Variants in PIK3C2B observed in about 807,000 individuals in gnomAD.
PIK3C2B encodes phosphatidylinositol 4-phosphate 3-kinase C2 domain-containing subunit beta.
Under a neutral mutation model 184.3 loss-of-function variants are expected in PIK3C2B, and 83 were observed. That is an observed-to-expected ratio of 0.45 (90% CI 0.38 to 0.54). PIK3C2B has a LOEUF of 0.54. PIK3C2B is among the 20% of genes least tolerant of loss of function. PIK3C2B has a pLI of 0.00. For missense variants in PIK3C2B, 1,736 were observed against 2,113.5 expected, an observed-to-expected ratio of 0.82 and a Z score of 3.50; for synonymous variants, 779 against 837.6, an observed-to-expected ratio of 0.93 and a Z score of 1.21.
At chr1:204,454,884 T>C (rs1229408207) in intron 11 of PIK3C2B, 93 bp from the exon 12 acceptor site, 7 of 1,399,900 alleles carry the variant, frequency 5.0e-6, no homozygotes, top group Middle Eastern at 1.8e-4. Flanking sequence ...CCATTTCCCC[T>C]GGTAAAACTC....
chr1:204,426,009 T>C (rs1674721278), intron 31 of PIK3C2B, among the ~76,000 whole-genome samples: 1 of 152,242 alleles, frequency 6.6e-6, no homozygotes, highest in African/African-American at 2.4e-5. Flanking sequence ...TCCCATAATG[T>C]GCTCTGTTTT....
intron 1 of PIK3C2B, among the ~76,000 whole-genome samples, chr1:204,485,907 C>T (rs1657550021): frequency 6.6e-6 from 1 of 152,102 alleles, no homozygotes; most frequent in African/African-American, 2.4e-5. Flanking sequence ...AATATAAGAG[C>T]AGTGCCTGCA....
chr1:204,449,239 G>A lies in PIK3C2B; in HGVS notation c.2292C>T (p.Pro764=). 3.7e-6 allele frequency: 6 copies of A among 1,613,138 alleles called. No individual in the cohort carries two copies. The highest frequency in any genetic ancestry group is 5.1e-6 in the Non-Finnish European group (6 of 1,179,764). ...LGLWPATQEN[P]SARWSAPNFH... is the part of the protein sequence containing the mutation. ...AATTAGGTGCACTCCAACGGGCGCT[G>A]GGATTTTCCTGTGTTGCTGGCCACA... Residue 764 remains proline (P), a synonymous_variant, in exon 14 of 33, where the codon CCC becomes CCT. Transcript: ENST00000684373.
At chr1:204,474,165 A>G (rs976343069) in intron 1 of PIK3C2B, among the ~76,000 whole-genome samples, 1 of 151,966 alleles carries the variant, frequency 6.6e-6, no homozygotes, top group African/African-American at 2.4e-5. Context: ...CTAATTTTGT[A>G]TTTTTAGTAG....
At chr1:204,441,007 G>A (rs891673490) in intron 21 of PIK3C2B, among the ~76,000 whole-genome samples, 1 of 152,150 alleles carries the variant, frequency 6.6e-6, no homozygotes, top group Non-Finnish European at 1.5e-5. Context: ...CATGTATTTT[G>A]TCTCCCCCAT....
intron 12 of PIK3C2B, among the ~76,000 whole-genome samples, chr1:204,453,779 T>TG (rs1268052638): frequency 6.6e-6 from 1 of 150,786 alleles, no homozygotes; most frequent in Non-Finnish European, 1.5e-5. Context: ...AACATTTAAT[T>TG]TTTTTTTTTT....
rs746538333 is a variant in PIK3C2B, at chr1:204,449,266, A to G, written c.2265T>C (p.Gly755=). 1 of 1,612,590 alleles carries G rather than the reference A, an allele frequency of 6.2e-7. No homozygotes were observed. The highest frequency in any genetic ancestry group is 8.5e-7 in the Non-Finnish European group (1 of 1,179,518). ...GATTTTCCTGTGTTGCTGGCCACAA[A>G]CCCAGAAGCTTCCGGCCACAGGTCA... is the stretch of plus-strand genomic sequence containing the variant. The part of the protein sequence containing the change: ...QVLTCGRKLL[G]LWPATQENPS... The change falls in exon 14 of 33, where the codon GGT becomes GGC. Residue 755 remains glycine (G), a synonymous_variant. Coordinates refer to ENST00000684373, the MANE Select transcript of PIK3C2B (RefSeq NM_001377334.1).
chr1:204,440,991 C>T (rs1187651858), intron 21 of PIK3C2B, among the ~76,000 whole-genome samples: 1 of 152,190 alleles, frequency 6.6e-6, no homozygotes, highest in East Asian at 1.9e-4. Flanking sequence ...GTTACTAAGT[C>T]ACATGCATGT....
At chr1:204,430,173 G>A (rs1328901374) in intron 28 of PIK3C2B, 135 bp from the exon 29 acceptor site, 1 of 640,018 alleles carries the variant, frequency 1.6e-6, no homozygotes, top group Non-Finnish European at 2.8e-6. Flanking sequence ...TCCATTTCTA[G>A]GGACCCTCAC....
rs1427658189 is a variant in PIK3C2B at position 204,469,613 on chromosome 1, C to T, written c.190G>A (p.Gly64Arg). The T allele has an allele frequency of 6.2e-7, 1 of 1,608,932 alleles. No individual in the cohort carries two copies. The highest frequency in any genetic ancestry group is 1.1e-5 in the South Asian group (1 of 90,242). Residue 64 changes from glycine (G) to arginine (R), a missense_variant, in exon 2 of 33, where the codon GGG (glycine) becomes AGG (arginine). Physicochemically the swap from Gly to Arg is moderately radical, Grantham distance 125. Transcript: ENST00000684373. ...DPSLISWDEP[G>R]VDFYSKPAGR... ...GCTGGCTTGCTGTAAAAGTCTACCC[C>T]AGGCTCATCCCAGCTGATGAGAGAG... is the stretch of plus-strand genomic sequence containing the variant.
intron 23 of PIK3C2B, chr1:204,435,644 C>T (rs1422168357): frequency 6.6e-6 from 1 of 152,252 alleles, no homozygotes; most frequent in Non-Finnish European, 1.5e-5. Context: ...GCACTGTCAC[C>T]TCCATTCATA....
At chr1:204,449,563 A>G (rs995013828) in intron 13 of PIK3C2B, among the ~76,000 whole-genome samples, 6 of 152,182 alleles carry the variant, frequency 3.9e-5, no homozygotes, top group African/African-American at 1.4e-4. Flanking sequence ...GGGCTAGATG[A>G]CCTCTAAGGT....
rs1424529226 is a variant in PIK3C2B, at chr1:204,433,907, G to T, written c.3729C>A (p.Val1243=). 1 of 1,614,052 alleles carries T rather than the reference G, an allele frequency of 6.2e-7. No individual in the cohort carries two copies. Among genetic ancestry groups the T allele is most frequent in the Non-Finnish European group, 8.5e-7 (1 of 1,179,956 alleles). ...PFVFTSDMAY[V]INGGDKPSSR... is the part of the protein sequence containing the mutation. ...TGGAAGGCTTGTCACCCCCGTTGAT[G>T]ACATACGCCATGTCCGAGGTGAAGA... The change falls in exon 25 of 33, where the codon GTC becomes GTA. Residue 1243 remains valine, a synonymous_variant. Transcript: ENST00000684373. The surrounding 1 kb of genome is among the most constrained non-coding windows in gnomAD (Gnocchi z 5.0).
In PIK3C2B at chr1:204,493,524, A is replaced by AACACACACACACACACACACACACACAC. The variant is rs3038310; in HGVS notation, c.-85+804_-85+831dup. Among the ~76,000 whole-genome samples the AACACACACACACACACACACACACACAC allele has an allele frequency of 2.0e-3, 291 of 143,976 alleles. 4 individuals are homozygous for AACACACACACACACACACACACACACAC. The highest frequency in any genetic ancestry group is 7.1e-3 in the Middle Eastern group (2 of 282). 94.5% of individuals were successfully genotyped at this position (143,976 alleles called of 152,430 possible). On this transcript the variant is annotated intron_variant, in intron 1 of 32. Coordinates refer to ENST00000684373, the MANE Select transcript of PIK3C2B (RefSeq NM_001377334.1). ...TGAAGGAGCAAGAGCAATGGCAGAA[A>AACACACACACACACACACACACACACAC]ACACACACACACACACACACACACA... is the stretch of plus-strand genomic sequence containing the variant.
At chr1:204,456,938 G>T in intron 10 of PIK3C2B, 99 bp downstream of exon 10, 1 of 900,826 alleles carries the variant, frequency 1.1e-6, no homozygotes, top group South Asian at 1.6e-5. Flanking sequence ...GCCGAACTCC[G>T]ACACATAAAT....
chr1:204,460,547 AACC>A lies in PIK3C2B; in HGVS notation c.1422_1422+2del. 6.2e-7 allele frequency: 1 copy of A among 1,612,438 alleles called. No homozygotes were observed. The highest frequency in any genetic ancestry group is 8.5e-7 in the Non-Finnish European group (1 of 1,178,624). ...GGCAACCCTCCACCACCCTCACACG[AACC>A]GTCCGGGCCAGGTCACTGCGCACAA... On this transcript the variant is annotated splice_donor_variant and coding_sequence_variant, in exon 6 of 33. Coordinates refer to ENST00000684373, the MANE Select transcript of PIK3C2B (RefSeq NM_001377334.1). LOFTEE classifies it high-confidence loss of function.
chr1:204,456,665 G>A (rs1462688187), intron 10 of PIK3C2B, among the ~76,000 whole-genome samples: 17 of 152,096 alleles, frequency 1.1e-4, no homozygotes, highest in Admixed American at 1.0e-3. Flanking sequence ...GCAAGTGTGA[G>A]CTGTTGGGAG....
At chr1:204,457,997 G>C (rs1234334418) in intron 8 of PIK3C2B, 123 bp from the exon 9 acceptor site, 1 of 757,828 alleles carries the variant, frequency 1.3e-6, no homozygotes, top group Non-Finnish European at 2.1e-6. Context: ...TGATCCTCAG[G>C]GGTAAATGTG....
chr1:204,478,158 G>A (rs1656860801), intron 1 of PIK3C2B, among the ~76,000 whole-genome samples: 1 of 152,156 alleles, frequency 6.6e-6, no homozygotes, highest in African/African-American at 2.4e-5. Flanking sequence ...CAGGGTCAGG[G>A]AGTCAGAGGC....
Sources: gnomAD v4.1 joint callset for allele counts (sites outside exome capture counted in the v4.1 genomes callset) on GRCh38, gnomAD v4.1.1 for gene constraint, Gnocchi (gnomAD v3.1) non-coding constraint, MANE v1.5 for transcripts, NCBI Gene and HGNC (gene_info 2026-07-23, HGNC 2026-07-21) for gene names.